Variants in ABLIM1 observed in about 807,000 individuals in gnomAD.
ABLIM1 encodes actin-binding LIM protein 1.
Under a neutral mutation model 107.0 loss-of-function variants are expected in ABLIM1, and 40 were observed. The ratio of observed to expected loss-of-function variants is 0.37; its 90% CI spans 0.29 to 0.49. The LOEUF (loss-of-function observed/expected upper bound fraction) is 0.49. Ranked by LOEUF, ABLIM1 falls within the 20% of genes least tolerant of loss-of-function variation. The pLI is 0.97. For synonymous variants in ABLIM1, 357 were observed against 357.3 expected (o/e 1.00, Z 0.01); for missense variants, 857 against 1,008.5 (o/e 0.85, Z 2.04).
At chr10:114,478,210 T>G (rs2056786434) in intron 8 of ABLIM1, among the ~76,000 whole-genome samples, 1 of 152,240 alleles carries the variant, frequency 6.6e-6, no homozygotes, top group Non-Finnish European at 1.5e-5. Context: ...ACCTCCAATT[T>G]GAATACACTT....
intron 10 of ABLIM1, among the ~76,000 whole-genome samples, chr10:114,471,271 G>C (rs1273270405): frequency 6.6e-6 from 1 of 152,082 alleles, no homozygotes; most frequent in Non-Finnish European, 1.5e-5. Flanking sequence ...TGCCTTGATG[G>C]AGCTGCTGGG....
chr10:114,682,807 T>G (rs2141594418), intron 1 of ABLIM1, among the ~76,000 whole-genome samples: 1 of 152,284 alleles, frequency 6.6e-6, no homozygotes, highest in East Asian at 1.9e-4. Context: ...GCTTGACCAC[T>G]AAAAATATAA....
the ABLIM1 span, among the ~76,000 whole-genome samples, chr10:114,793,513 G>C: frequency 3.9e-5 from 6 of 152,178 alleles, no homozygotes; most frequent in Non-Finnish European, 8.8e-5. Flanking sequence ...CCAGCCTCAG[G>C]TATTTATAAA....
At chr10:114,593,774 A>G (rs1566040490) in intron 2 of ABLIM1, among the ~76,000 whole-genome samples, 1 of 144,674 alleles carries the variant, frequency 6.9e-6, no homozygotes, top group South Asian at 2.3e-4. Flanking sequence ...TTATCTGCCA[A>G]CAAGAGTCAA....
chr10:114,618,338 A>G (rs935048688), intron 1 of ABLIM1, among the ~76,000 whole-genome samples: 2 of 152,164 alleles, frequency 1.3e-5, no homozygotes, highest in African/African-American at 2.4e-5. Flanking sequence ...TGAATAATCC[A>G]TCATGTTTTC....
intron 6 of ABLIM1, among the ~76,000 whole-genome samples, chr10:114,517,330 C>T (rs1051705171): frequency 3.9e-5 from 6 of 152,140 alleles, no homozygotes; most frequent in African/African-American, 1.4e-4. Context: ...GCTGGACCCA[C>T]ATGAAGATGA....
intron 6 of ABLIM1, among the ~76,000 whole-genome samples, chr10:114,535,925 C>T (rs1020055292): frequency 6.6e-5 from 10 of 152,068 alleles, no homozygotes; most frequent in African/African-American, 2.4e-4. Flanking sequence ...GACTTTGGGA[C>T]TTAAGTCTGA....
intron 6 of ABLIM1, among the ~76,000 whole-genome samples, chr10:114,529,749 G>T (rs2065252601): frequency 6.6e-6 from 1 of 152,168 alleles, no homozygotes; most frequent in South Asian, 2.1e-4. Flanking sequence ...AAGGTGGGCT[G>T]GGCGTGGTGG....
In ABLIM1 at chr10:114,619,207, T is replaced by A. The variant is rs148725702; in HGVS notation, c.245-17246A>T. Among the ~76,000 whole-genome samples, 4,270 of 151,680 alleles carry A rather than the reference T, an allele frequency of 0.028. 205 individuals are homozygous for A. The highest frequency in any genetic ancestry group is 0.096 in the African/African-American group (3,958 of 41,324). On this transcript the variant is annotated intron_variant, in intron 1 of 22. Transcript: ENST00000533213. This position sits in a 1 kb window ranked among gnomAD's most constrained non-coding sequence, Gnocchi z 4.1. ...TTCTTTCTCTTTCTTTCTTTTCTTT[T>A]TTTTTTTGAGACAGTGTCTTGCTCT...
chr10:114,630,011 C>T (rs1015654763), intron 1 of ABLIM1, among the ~76,000 whole-genome samples: 2 of 152,104 alleles, frequency 1.3e-5, no homozygotes, highest in Non-Finnish European at 2.9e-5. Flanking sequence ...AGTATGTGAC[C>T]TCTTGGTGGC....
At chr10:114,510,682 C>A (rs1276773067) in intron 6 of ABLIM1, among the ~76,000 whole-genome samples, 2 of 151,430 alleles carry the variant, frequency 1.3e-5, no homozygotes, top group African/African-American at 4.9e-5. Flanking sequence ...CAAGGTCTCA[C>A]TCCCATTACC....
chr10:114,626,581 T>C (rs2140559358), intron 1 of ABLIM1, among the ~76,000 whole-genome samples: 1 of 152,222 alleles, frequency 6.6e-6, no homozygotes. Context: ...TCTTCACCAC[T>C]AGAAACTCTC....
chr10:114,638,079 G>C (rs2078568982), intron 1 of ABLIM1, among the ~76,000 whole-genome samples: 1 of 152,176 alleles, frequency 6.6e-6, no homozygotes, highest in African/African-American at 2.4e-5. Flanking sequence ...GCAAAAGGTT[G>C]TGGGCTCTCT....
At position 114,547,758 on chromosome 10, in the gene ABLIM1, C is replaced by G; in HGVS notation, c.692G>C (p.Arg231Thr). ...CAGCGCCTGCCCATTCTTGATATCTCTTCCGCAGCCGGCACAATCTGAAAA... is the reference window on the plus strand; with the variant it reads ...CAGCGCCTGCCCATTCTTGATATCTGTTCCGCAGCCGGCACAATCTGAAAA... ...TFSSNCAGCG[R>T]DIKNGQALLA... The change falls in exon 5 of 23, where the codon AGA (arginine) becomes ACA (threonine). Residue 231 changes from arginine (R) to threonine (T), a missense_variant. Physicochemically the swap from Arg to Thr is moderately conservative, Grantham distance 71. Transcript: ENST00000533213. 1.9e-6 allele frequency: 3 copies of G among 1,610,424 alleles called. No homozygotes were observed. The highest frequency in any genetic ancestry group is 2.5e-6 in the Non-Finnish European group (3 of 1,180,010).
At chr10:114,654,787 T>C (rs2079420689) in intron 1 of ABLIM1, among the ~76,000 whole-genome samples, 1 of 152,240 alleles carries the variant, frequency 6.6e-6, no homozygotes, top group Non-Finnish European at 1.5e-5. Context: ...CAGATCTCTC[T>C]AGTGATCCTC....
At chr10:114,702,258 G>A (rs941200701) in intron 1 of ABLIM1, among the ~76,000 whole-genome samples, 38 of 152,038 alleles carry the variant, frequency 2.5e-4, no homozygotes, top group Non-Finnish European at 1.9e-4. Context: ...TGCTAATAAC[G>A]AAAAAGACAA....
intron 3 of ABLIM1, among the ~76,000 whole-genome samples, 186 bp from the exon 4 acceptor site, chr10:114,571,592 T>A (rs1470137864): frequency 6.6e-6 from 1 of 152,026 alleles, no homozygotes; most frequent in Non-Finnish European, 1.5e-5. Context: ...TGTGCCTCAT[T>A]TTGAGAAGAA....
At chr10:114,555,361 G>A (rs1328891476) in intron 4 of ABLIM1, among the ~76,000 whole-genome samples, 1 of 152,160 alleles carries the variant, frequency 6.6e-6, no homozygotes, top group Non-Finnish European at 1.5e-5. Flanking sequence ...GGAAACTAAG[G>A]CCTGGAGTGG....
chr10:114,600,713 G>C (rs1361210202), intron 2 of ABLIM1, among the ~76,000 whole-genome samples: 1 of 152,164 alleles, frequency 6.6e-6, no homozygotes, highest in Non-Finnish European at 1.5e-5. Context: ...GCAGGGCACA[G>C]AGTAAATCTA....
Sources: gnomAD v4.1 joint callset for allele counts (sites outside exome capture counted in the v4.1 genomes callset) on GRCh38, gnomAD v4.1.1 for gene constraint, Gnocchi (gnomAD v3.1) non-coding constraint, MANE v1.5 for transcripts, NCBI Gene and HGNC (gene_info 2026-07-23, HGNC 2026-07-21) for gene names.